The following RNLS variants were observed in gnomAD, a reference collection of about 807,000 sequenced individuals.
RNLS encodes the protein renalase.
RNLS carries 39 observed loss-of-function variants against 39.8 expected under a neutral mutation model. The observed-to-expected ratio is 0.98, with a 90% confidence interval of 0.76 to 1.28. The LOEUF is 1.28. Among genes scored for constraint, RNLS ranks in the 50% most tolerant of loss-of-function variants. The pLI is 0.00. For missense variants in RNLS, 410 were observed against 413.3 expected, an observed-to-expected ratio of 0.99 and a Z score of 0.07; for synonymous variants, 147 against 150.7, an observed-to-expected ratio of 0.98 and a Z score of 0.18.
chr10:88,481,017 GTTTATA>G (rs1014559773), intron 4 of RNLS, among the ~76,000 whole-genome samples: 2 of 151,948 alleles, frequency 1.3e-5, no homozygotes, highest in African/African-American at 4.8e-5. Flanking sequence ...TGCCAGGTGT[GTTTATA>G]TTTATAATTT....
chr10:88,475,570 T>C (rs961478532), intron 4 of RNLS, among the ~76,000 whole-genome samples: 3 of 152,208 alleles, frequency 2.0e-5, no homozygotes, highest in African/African-American at 7.2e-5. Flanking sequence ...TTCATTCCAA[T>C]GTCCTTTCAG....
At chr10:88,228,492 C>G in the RNLS span, among the ~76,000 whole-genome samples, 1 of 152,210 alleles carries the variant, frequency 6.6e-6, no homozygotes, top group East Asian at 1.9e-4. Context: ...TGCAAGGACG[C>G]TGGGAAGTAC....
At chr10:88,497,044 A>T (rs377551627) in intron 4 of RNLS, among the ~76,000 whole-genome samples, 1 of 152,114 alleles carries the variant, frequency 6.6e-6, no homozygotes, top group African/African-American at 2.4e-5. Context: ...TTATGTAATG[A>T]GTCCCAGGAA....
the RNLS span, among the ~76,000 whole-genome samples, chr10:88,235,375 C>T: frequency 4.6e-5 from 7 of 150,958 alleles, no homozygotes; most frequent in Admixed American, 2.6e-4. Flanking sequence ...CAAACAAGCA[C>T]GACTGATTTT....
chr10:88,275,028 G>C (rs773872122), exon 7 of RNLS: 1 of 1,612,440 alleles, frequency 6.2e-7, no homozygotes. Flanking sequence ...ACCAGCACTT[G>C]GTACCTGAAA....
the RNLS span, among the ~76,000 whole-genome samples, chr10:88,189,019 T>C: frequency 6.6e-6 from 1 of 152,222 alleles, no homozygotes; most frequent in Non-Finnish European, 1.5e-5. Context: ...TCTTTGATCC[T>C]AAGTGATTAC....
At chr10:88,579,293 T>C (rs192004409) in intron 3 of RNLS, among the ~76,000 whole-genome samples, 27 of 152,296 alleles carry the variant, frequency 1.8e-4, no homozygotes, top group Admixed American at 1.4e-3. Flanking sequence ...TCTGGAACTG[T>C]TGTGAGCTAC....
At chr10:88,459,987 A>C (rs1331247745) in intron 4 of RNLS, among the ~76,000 whole-genome samples, 1 of 152,190 alleles carries the variant, frequency 6.6e-6, no homozygotes, top group Admixed American at 6.5e-5. Flanking sequence ...AAAGAAGGCA[A>C]AAAGGGAAAA....
intron 4 of RNLS, among the ~76,000 whole-genome samples, chr10:88,428,125 T>G (rs1470938538): frequency 6.6e-6 from 1 of 151,996 alleles, no homozygotes; most frequent in East Asian, 1.9e-4. Context: ...AAGATCTGTA[T>G]GTTAGCATTT....
intron 4 of RNLS, among the ~76,000 whole-genome samples, chr10:88,481,072 A>G (rs1377802646): frequency 6.6e-6 from 1 of 152,150 alleles, no homozygotes; most frequent in African/African-American, 2.4e-5. Context: ...ATCATAAAAT[A>G]GCCCTCTATA....
chr10:88,454,451 C>T (rs1258486357), intron 4 of RNLS, among the ~76,000 whole-genome samples: 1 of 152,200 alleles, frequency 6.6e-6, no homozygotes, highest in Non-Finnish European at 1.5e-5. Context: ...CATGTTCTCA[C>T]ATCCCATTTT....
chr10:88,221,471 T>A, the RNLS span, among the ~76,000 whole-genome samples: 1 of 152,230 alleles, frequency 6.6e-6, no homozygotes, highest in Non-Finnish European at 1.5e-5. Context: ...ATGCTCTGAA[T>A]AATCAAATAT....
chr10:88,388,203 A>G (rs1851988183), intron 4 of RNLS, among the ~76,000 whole-genome samples: 1 of 152,136 alleles, frequency 6.6e-6, no homozygotes, highest in African/African-American at 2.4e-5. Context: ...TTCCATGTTT[A>G]ATTTATCAGC....
At chr10:88,218,424 A>T in the RNLS span, among the ~76,000 whole-genome samples, 1 of 152,216 alleles carries the variant, frequency 6.6e-6, no homozygotes, top group African/African-American at 2.4e-5. Context: ...TGCAGATGGG[A>T]AGCACACTTT....
At chr10:88,562,206 C>T (rs1849233069) in intron 4 of RNLS, among the ~76,000 whole-genome samples, 1 of 151,932 alleles carries the variant, frequency 6.6e-6, no homozygotes, top group African/African-American at 2.4e-5. Flanking sequence ...GCATTAAGAG[C>T]ATCAGTTTAT....
At chr10:88,379,293 A>C (rs541501687) in intron 4 of RNLS, among the ~76,000 whole-genome samples, 1 of 152,354 alleles carries the variant, frequency 6.6e-6, no homozygotes, top group East Asian at 1.9e-4. Flanking sequence ...TTGCTATTTA[A>C]GCAGAGTGTA....
At chr10:88,409,710 T>C (rs1853538654) in intron 4 of RNLS, among the ~76,000 whole-genome samples, 1 of 152,152 alleles carries the variant, frequency 6.6e-6, no homozygotes, top group Non-Finnish European at 1.5e-5. Flanking sequence ...CTTCTGTCCA[T>C]TAGTTGTTGG....
intron 4 of RNLS, among the ~76,000 whole-genome samples, chr10:88,455,872 T>C (rs6586139): frequency 0.71 from 108,025 of 152,044 alleles, 39,502 homozygotes; most frequent in African/African-American, 0.89. Context: ...TCCCAATGCA[T>C]GCCCACTCAT....
intron 4 of RNLS, among the ~76,000 whole-genome samples, chr10:88,411,222 T>C (rs530231855): frequency 6.6e-6 from 1 of 152,316 alleles, no homozygotes; most frequent in East Asian, 1.9e-4. Context: ...TTAAATGATA[T>C]GTTGAGAACA....
Sources: gnomAD v4.1 joint callset for allele counts (sites outside exome capture counted in the v4.1 genomes callset) on GRCh38, gnomAD v4.1.1 for gene constraint, MANE v1.5 for transcripts, NCBI Gene and HGNC (gene_info 2026-07-23, HGNC 2026-07-21) for gene names.